The following DENND2B variants were observed in gnomAD, a reference collection of about 807,000 sequenced individuals.
DENND2B encodes DENN domain-containing protein 2B.
A neutral mutation model predicts 116.0 loss-of-function variants in DENND2B; 32 were observed. The ratio of observed to expected loss-of-function variants is 0.28; its 90% confidence interval spans 0.21 to 0.37. DENND2B has a LOEUF of 0.37. Ranked by LOEUF, DENND2B falls within the 10% of genes least tolerant of loss-of-function variation. The pLI is 1.00. For synonymous variants in DENND2B, 588 were observed against 583.9 expected, an observed-to-expected ratio of 1.01 and a Z score of -0.10; for missense variants, 1,276 against 1,477.7, an observed-to-expected ratio of 0.86 and a Z score of 2.24.
chr11:8,715,926 CCCG>C (rs1363338454), intron 5 of DENND2B, 108 bp from the exon 6 acceptor site: 1 of 1,031,562 alleles, frequency 9.7e-7, no homozygotes, highest in African/African-American at 1.6e-5. Context: ...TCCCTGGATC[CCCG>C]CCATCTTGCC....
chr11:8,736,834 A>G (rs951867114), intron 2 of DENND2B, among the ~76,000 whole-genome samples: 1 of 152,208 alleles, frequency 6.6e-6, no homozygotes, highest in South Asian at 2.1e-4. Context: ...GCCACTGATA[A>G]GACTTGGGCT....
intron 5 of DENND2B, among the ~76,000 whole-genome samples, chr11:8,716,724 T>A (rs1454638923): frequency 6.6e-6 from 1 of 152,076 alleles, no homozygotes; most frequent in Non-Finnish European, 1.5e-5. Context: ...CTTGGCTTAC[T>A]GCAACCTCCG....
At chr11:8,759,733 C>T (rs1249334902) in intron 1 of DENND2B, among the ~76,000 whole-genome samples, 1 of 152,218 alleles carries the variant, frequency 6.6e-6, no homozygotes, top group Admixed American at 6.5e-5. Flanking sequence ...GCCTACTCAT[C>T]CTGCCCAGCA....
At chr11:8,710,161 A>C (rs1251701876) in intron 11 of DENND2B, among the ~76,000 whole-genome samples, 1 of 152,164 alleles carries the variant, frequency 6.6e-6, no homozygotes, top group Non-Finnish European at 1.5e-5. Flanking sequence ...CATTGTCAAC[A>C]ACCCAGTAGC....
chr11:8,738,267 T>G (rs972125571), intron 2 of DENND2B, among the ~76,000 whole-genome samples: 1 of 152,234 alleles, frequency 6.6e-6, no homozygotes, highest in Admixed American at 6.5e-5. Context: ...TACGCTTCAG[T>G]TGATCACTCC....
chr11:8,869,234 T>G (rs1051815099), intron 2 of DENND2B, among the ~76,000 whole-genome samples: 1 of 152,200 alleles, frequency 6.6e-6, no homozygotes, highest in Non-Finnish European at 1.5e-5. Context: ...AAAAAATACT[T>G]TTAAGGTAAG....
intron 2 of DENND2B, among the ~76,000 whole-genome samples, chr11:8,750,226 T>C (rs1310503822): frequency 6.6e-6 from 1 of 152,154 alleles, no homozygotes; most frequent in Non-Finnish European, 1.5e-5. Context: ...GGCTGCTGCT[T>C]GGAGTTTGTG....
At chr11:8,809,638 C>T (rs2061203500) in intron 1 of DENND2B, 1 of 152,274 alleles carries the variant, frequency 6.6e-6, no homozygotes, top group African/African-American at 2.4e-5. Context: ...TCCTCTAGGT[C>T]AGAACAAGTT....
At chr11:8,811,851 A>T (rs1480863330), upstream of DENND2B, among the ~76,000 whole-genome samples, 1 of 152,170 alleles carries the variant, frequency 6.6e-6, no homozygotes, top group Non-Finnish European at 1.5e-5. Flanking sequence ...CTCCTGCCTC[A>T]GCCTCTGAAG....
intron 1 of DENND2B, among the ~76,000 whole-genome samples, chr11:8,782,612 C>T (rs1208329219): frequency 5.3e-5 from 8 of 152,030 alleles, no homozygotes; most frequent in African/African-American, 9.7e-5. Context: ...GTTGGCCGGG[C>T]GCAGTGGCTC....
At chr11:8,894,403 C>G (rs1049823162) in intron 1 of DENND2B, among the ~76,000 whole-genome samples, 3 of 152,036 alleles carry the variant, frequency 2.0e-5, no homozygotes, top group Admixed American at 6.5e-5. Flanking sequence ...CAAATGGGAT[C>G]TAATTAAACT....
intron 1 of DENND2B, among the ~76,000 whole-genome samples, chr11:8,780,213 ATGCATCAGGTATGGG>A: frequency 6.6e-6 from 1 of 152,296 alleles, no homozygotes; most frequent in Non-Finnish European, 1.5e-5. Flanking sequence ...TGGACACCAA[ATGCATCAGGTATGGG>A]TCCATCCTCA....
At chr11:8,895,593 G>T (rs946596448) in intron 1 of DENND2B, 1 of 152,086 alleles carries the variant, frequency 6.6e-6, no homozygotes, top group Non-Finnish European at 1.5e-5. Context: ...TGGGAGTAGG[G>T]AAGAATAGAC....
chr11:8,759,982 G>A (rs1202466380), intron 1 of DENND2B, among the ~76,000 whole-genome samples: 1 of 152,176 alleles, frequency 6.6e-6, no homozygotes. Context: ...GTGTCTTCTG[G>A]ATCCTCCCAT....
intron 1 of DENND2B, among the ~76,000 whole-genome samples, chr11:8,763,523 AT>A (rs982507467): frequency 6.6e-6 from 1 of 151,798 alleles, no homozygotes; most frequent in Non-Finnish European, 1.5e-5. Flanking sequence ...AAATTTTGGT[AT>A]TTTACATAAT....
At chr11:8,812,320 C>G (rs1034986531), upstream of DENND2B, among the ~76,000 whole-genome samples, 3 of 152,134 alleles carry the variant, frequency 2.0e-5, no homozygotes, top group African/African-American at 7.2e-5. Context: ...CTTAAGACAG[C>G]ATCTCTAAGA....
rs2039839722 is a variant in DENND2B, at chr11:8,693,858, G to A, written c.*238C>T. The A allele has an allele frequency of 2.2e-6, 1 of 458,684 alleles. No individual in the cohort carries two copies. Among genetic ancestry groups the A allele is most frequent in the Non-Finnish European group, 3.9e-6 (1 of 258,828 alleles). The allele number at this position is 458,684 out of a possible 1,614,324, so 28.4% of individuals were successfully genotyped here. A position where few individuals can be genotyped will look rare whatever the true frequency, so the allele number is the denominator to read the frequency against. ...GGACAGGAAAGCACCCGGCCCCTTG[G>A]GAATATACAAATATTTGCCATATTC... On this transcript the variant is annotated 3_prime_UTR_variant, in exon 20 of 20. Coordinates refer to ENST00000313726, the MANE Select transcript of DENND2B (RefSeq NM_213618.2).
chr11:8,788,573 T>C (rs2059116130), intron 1 of DENND2B, among the ~76,000 whole-genome samples: 1 of 152,176 alleles, frequency 6.6e-6, no homozygotes, highest in African/African-American at 2.4e-5. Flanking sequence ...CACAGAATTG[T>C]GCACCATCTC....
chr11:8,803,367 C>T (rs147011154), intron 1 of DENND2B, among the ~76,000 whole-genome samples: 366 of 152,044 alleles, frequency 2.4e-3, no homozygotes, highest in African/African-American at 8.1e-3. Context: ...CCTGGGCGAC[C>T]GAGCGAGACT....
Sources: allele counts gnomAD v4.1 joint callset (sites outside exome capture counted in the v4.1 genomes callset), GRCh38; gene constraint gnomAD v4.1.1; transcripts MANE v1.5; gene names NCBI Gene and HGNC (gene_info 2026-07-23, HGNC 2026-07-21).